The following RBMS3 variants were observed in gnomAD, a reference collection of about 807,000 sequenced individuals.
RBMS3 encodes the protein RNA binding motif single stranded interacting protein 3, also known as RNA-binding motif, single-stranded-interacting protein 3.
Under a neutral mutation model 66.8 loss-of-function variants are expected in RBMS3, and 27 were observed. That is an observed-to-expected ratio of 0.40 (90% CI 0.30 to 0.56). The LOEUF is 0.56. Among genes scored for constraint, RBMS3 ranks in the 20% least tolerant of loss-of-function variants. The pLI is 0.40. For synonymous variants in RBMS3, 188 were observed against 183.0 expected (o/e 1.03, Z -0.22); for missense variants, 513 against 549.5 (o/e 0.93, Z 0.66).
intron 11 of RBMS3, among the ~76,000 whole-genome samples, chr3:29,943,161 A>C (rs189458172): frequency 2.6e-5 from 4 of 151,988 alleles, no homozygotes; most frequent in Admixed American, 2.6e-4. Flanking sequence ...AATACGTGAT[A>C]GTCCAAAAGT....
intron 5 of RBMS3, among the ~76,000 whole-genome samples, chr3:29,755,650 G>A (rs2055376649): frequency 6.6e-6 from 1 of 152,218 alleles, no homozygotes; most frequent in Admixed American, 6.5e-5. Context: ...CAGAGCCTCA[G>A]AGGAGGGCCT....
chr3:29,865,980 A>G (rs2059350680), intron 6 of RBMS3, among the ~76,000 whole-genome samples: 1 of 150,676 alleles, frequency 6.6e-6, no homozygotes, highest in Non-Finnish European at 1.5e-5. Context: ...AGGGAAAAAT[A>G]TTAGTTGCCT....
intron 4 of RBMS3, among the ~76,000 whole-genome samples, chr3:29,693,904 A>G (rs1056458252): frequency 5.3e-5 from 8 of 152,218 alleles, no homozygotes; most frequent in Non-Finnish European, 1.2e-4. Flanking sequence ...CAAATAGTAA[A>G]ATGTTTATCC....
intron 5 of RBMS3, among the ~76,000 whole-genome samples, chr3:29,745,986 T>C (rs1447928788): frequency 6.6e-6 from 1 of 152,204 alleles, no homozygotes; most frequent in Admixed American, 6.5e-5. Flanking sequence ...TTTTGTGTTT[T>C]CTACTAATAA....
intron 3 of RBMS3, among the ~76,000 whole-genome samples, chr3:29,524,537 C>T (rs901601563): frequency 2.7e-5 from 4 of 147,564 alleles, no homozygotes; most frequent in Non-Finnish European, 4.5e-5. Flanking sequence ...AAGCTATTCT[C>T]CTGCCTCAGC....
At chr3:29,408,263 C>T (rs1215067162) in intron 1 of RBMS3, among the ~76,000 whole-genome samples, 1 of 116,986 alleles carries the variant, frequency 8.5e-6, no homozygotes, top group African/African-American at 3.4e-5. Context: ...CAGAGCGAGA[C>T]TCCATCTCAA....
chr3:29,913,550 G>C (rs78269165), intron 10 of RBMS3, among the ~76,000 whole-genome samples: 5,340 of 152,018 alleles, frequency 0.035, 107 homozygotes, highest in South Asian at 0.049. Context: ...TTCCAAGAAA[G>C]AGGATTAGTC....
intron 1 of RBMS3, among the ~76,000 whole-genome samples, chr3:29,341,177 C>T (rs574808578): frequency 4.6e-5 from 7 of 151,990 alleles, no homozygotes; most frequent in Non-Finnish European, 7.4e-5. Flanking sequence ...TGCTGTTATA[C>T]GTATGCAGAT....
chr3:29,716,690 G>A (rs1166494386), intron 4 of RBMS3, among the ~76,000 whole-genome samples: 2 of 152,046 alleles, frequency 1.3e-5, no homozygotes, highest in Non-Finnish European at 2.9e-5. Flanking sequence ...ATACTTAGTT[G>A]TTTCCGGTTT....
At chr3:29,496,952 A>G (rs947716675) in intron 3 of RBMS3, among the ~76,000 whole-genome samples, 4 of 152,152 alleles carry the variant, frequency 2.6e-5, no homozygotes, top group Non-Finnish European at 4.4e-5. Flanking sequence ...AGCCTTTAGT[A>G]TTGTAACCTA....
chr3:29,730,786 C>T (rs2054097802), intron 4 of RBMS3: 1 of 835,640 alleles, frequency 1.2e-6, no homozygotes, highest in Non-Finnish European at 1.4e-6. Flanking sequence ...CCATCAGGAC[C>T]ACGAGTACAA....
At chr3:29,833,717 GT>G (rs1199837005) in intron 6 of RBMS3, among the ~76,000 whole-genome samples, 6 of 152,188 alleles carry the variant, frequency 3.9e-5, no homozygotes, top group Non-Finnish European at 8.8e-5. Context: ...AACGGTCACT[GT>G]ATGGGAGCTC....
intron 1 of RBMS3, among the ~76,000 whole-genome samples, chr3:29,342,479 A>C (rs1181434657): frequency 6.6e-6 from 1 of 152,178 alleles, no homozygotes; most frequent in African/African-American, 2.4e-5. Flanking sequence ...TATTTGAATA[A>C]GGTATTGAAA....
At chr3:29,395,852 A>G (rs1023060671) in intron 1 of RBMS3, among the ~76,000 whole-genome samples, 5 of 152,208 alleles carry the variant, frequency 3.3e-5, no homozygotes, top group African/African-American at 1.2e-4. Context: ...GGCTTCCCAC[A>G]TAAATAATGA....
intron 4 of RBMS3, among the ~76,000 whole-genome samples, chr3:29,692,841 T>C (rs2052091732): frequency 6.6e-6 from 1 of 152,206 alleles, no homozygotes; most frequent in Non-Finnish European, 1.5e-5. Flanking sequence ...ATAATCATGC[T>C]CTCTTTTCTT....
chr3:29,561,378 C>T (rs1314162152), intron 3 of RBMS3, among the ~76,000 whole-genome samples: 1 of 152,164 alleles, frequency 6.6e-6, no homozygotes, highest in African/African-American at 2.4e-5. Context: ...ACACTCCCAC[C>T]AACAGTGTAT....
intron 1 of RBMS3, among the ~76,000 whole-genome samples, chr3:29,377,815 G>A (rs942067104): frequency 3.9e-5 from 6 of 152,106 alleles, no homozygotes; most frequent in East Asian, 3.9e-4. Flanking sequence ...GCTCATTCTT[G>A]TTAATGCATG....
chr3:29,513,017 A>G (rs995355613), intron 3 of RBMS3, among the ~76,000 whole-genome samples: 2 of 152,160 alleles, frequency 1.3e-5, no homozygotes, highest in African/African-American at 4.8e-5. Flanking sequence ...GTGTCATAAA[A>G]GGGCCCTATT....
chr3:29,856,168 A>C (rs899898285), intron 6 of RBMS3, among the ~76,000 whole-genome samples: 5 of 152,238 alleles, frequency 3.3e-5, no homozygotes, highest in Non-Finnish European at 7.3e-5. Flanking sequence ...TGAATAGCAC[A>C]ACACCTGATA....
Sources: gnomAD v4.1 joint callset for allele counts (sites outside exome capture counted in the v4.1 genomes callset) on GRCh38, gnomAD v4.1.1 for gene constraint, MANE v1.5 for transcripts, NCBI Gene and HGNC (gene_info 2026-07-23, HGNC 2026-07-21) for gene names.